Variants in CACNA1C observed in about 807,000 individuals in gnomAD.
The protein encoded by CACNA1C is voltage-dependent L-type calcium channel subunit alpha-1C.
Under a neutral mutation model 229.0 loss-of-function variants are expected in CACNA1C, and 30 were observed. That is an observed-to-expected ratio of 0.13 (90% CI 0.10 to 0.18). The LOEUF (loss-of-function observed/expected upper bound fraction) is 0.18. Ranked by LOEUF, CACNA1C falls within the 10% of genes least tolerant of loss-of-function variation. The pLI is 1.00. For missense variants in CACNA1C, 1,658 were observed against 2,845.0 expected (o/e 0.58, Z 9.49); for synonymous variants, 1,114 against 1,132.5 (o/e 0.98, Z 0.33).
Position 2,346,786 on chromosome 12 carries a change from AAGCATATAGC to A in CACNA1C, c.478-102181_478-102172del, listed in dbSNP as rs2097046016. On this transcript the variant is annotated intron_variant, in intron 3 of 46. Coordinates refer to ENST00000399655, the MANE Select transcript of CACNA1C (RefSeq NM_000719.7). The surrounding 1 kb of genome is among the most constrained non-coding windows in gnomAD (Gnocchi z 4.4). ...CTTGATTTTGCATCCAGCTCATGATAAGCATATAGCAGCATATACACAAATACATACAAAG... is the reference window on the plus strand; with the variant it reads ...CTTGATTTTGCATCCAGCTCATGATAAGCATATACACAAATACATACAAAG... Among the ~76,000 whole-genome samples, 2 of 152,222 alleles carry A rather than the reference AAGCATATAGC, an allele frequency of 1.3e-5. No individual in the cohort carries two copies. The highest frequency in any genetic ancestry group is 1.3e-4 in the Admixed American group (2 of 15,284).
At chr12:2,564,036 C>T (rs73035639) in intron 11 of CACNA1C, among the ~76,000 whole-genome samples, 13,880 of 152,206 alleles carry the variant, frequency 0.091, 724 homozygotes, top group Middle Eastern at 0.15. Flanking sequence ...ATTGGAGAAA[C>T]GGACTCATGC....
chr12:2,611,715 G>A (rs935765476), intron 28 of CACNA1C, among the ~76,000 whole-genome samples, 188 bp from the exon 29 acceptor site: 3 of 152,162 alleles, frequency 2.0e-5, no homozygotes, highest in Non-Finnish European at 4.4e-5. Flanking sequence ...AGATGGCAGA[G>A]CAGGGAAGAT....
chr12:2,683,931 C>T (rs990031188), intron 43 of CACNA1C, among the ~76,000 whole-genome samples: 4 of 152,210 alleles, frequency 2.6e-5, no homozygotes, highest in South Asian at 2.1e-4. Context: ...GGGCCCAGGG[C>T]GGGAGGGAAG....
intron 3 of CACNA1C, among the ~76,000 whole-genome samples, chr12:2,378,547 G>A (rs2098138499): frequency 6.6e-6 from 1 of 152,208 alleles, no homozygotes; most frequent in South Asian, 2.1e-4. Flanking sequence ...CATCTACCCT[G>A]TGCGGGCAAG....
intron 3 of CACNA1C, among the ~76,000 whole-genome samples, chr12:2,183,826 C>T (rs373774011): frequency 7.2e-5 from 11 of 152,250 alleles, no homozygotes; most frequent in African/African-American, 1.4e-4. Flanking sequence ...AGCGGTATCT[C>T]ATCAGCTCTG....
intron 9 of CACNA1C, among the ~76,000 whole-genome samples, chr12:2,517,462 A>T (rs1302156246): frequency 6.6e-6 from 1 of 152,254 alleles, no homozygotes; most frequent in Non-Finnish European, 1.5e-5. Flanking sequence ...ACAGTCTTGG[A>T]AAAAAGAGGA....
intron 9 of CACNA1C, among the ~76,000 whole-genome samples, chr12:2,519,242 A>G (rs1432920812): frequency 6.6e-6 from 1 of 152,124 alleles, no homozygotes; most frequent in Non-Finnish European, 1.5e-5. Context: ...TGTCCCCATG[A>G]CCTGACACAG....
At chr12:2,187,345 C>G (rs541205649) in intron 3 of CACNA1C, among the ~76,000 whole-genome samples, 7 of 152,274 alleles carry the variant, frequency 4.6e-5, no homozygotes, top group African/African-American at 1.7e-4. Context: ...AAGCCAGCCC[C>G]CATAGCAGCC....
At chr12:2,663,099 A>G (rs1417892068) in intron 34 of CACNA1C, among the ~76,000 whole-genome samples, 1 of 152,244 alleles carries the variant, frequency 6.6e-6, no homozygotes, top group Admixed American at 6.5e-5. Context: ...TGATGCAAAA[A>G]GCACAGAACA....
At chr12:2,318,905 GAGA>G (rs1044005328) in intron 3 of CACNA1C, among the ~76,000 whole-genome samples, 1 of 150,214 alleles carries the variant, frequency 6.7e-6, no homozygotes, top group African/African-American at 2.5e-5. Context: ...AATGGAGAGA[GAGA>G]AGGAGAGGGA....
At chr12:2,330,921 G>C (rs1433918540) in intron 3 of CACNA1C, among the ~76,000 whole-genome samples, 1 of 152,136 alleles carries the variant, frequency 6.6e-6, no homozygotes, top group Non-Finnish European at 1.5e-5. Flanking sequence ...GACTTTAATA[G>C]CTCAAAACAG....
chr12:2,566,463 G>A lies in CACNA1C; in HGVS notation c.1550G>A (p.Cys517Tyr). ...TGGAATCGGTTCTGCAGAAGGAAGT[G>A]CCGCGCCGCAGTCAAGTCTAATGTC... The part of the protein sequence containing the change: ...RRWNRFCRRK[C>Y]RAAVKSNVFY... Residue 517 changes from cysteine to tyrosine, a missense_variant, in exon 12 of 47, where the codon TGC (cysteine) becomes TAC (tyrosine). By Grantham distance (194) the Cys-to-Tyr change is radical. This residue lies in a region of CACNA1C where 149 missense variants were observed against 194.2 expected (regional missense o/e 0.77). Coordinates refer to ENST00000399655, the MANE Select transcript of CACNA1C (RefSeq NM_000719.7). The surrounding 1 kb of genome is among the most constrained non-coding windows in gnomAD (Gnocchi z 4.0). The A allele has an allele frequency of 6.3e-7, 1 of 1,596,384 alleles. No homozygotes were observed. The highest frequency in any genetic ancestry group is 8.5e-7 in the Non-Finnish European group (1 of 1,171,396).
At chr12:2,010,538 G>A (rs1412926771) in intron 1 of CACNA1C, among the ~76,000 whole-genome samples, 2 of 152,138 alleles carry the variant, frequency 1.3e-5, no homozygotes, top group Non-Finnish European at 2.9e-5. Context: ...AGAGCTTTTT[G>A]GAGTGGAGAG....
At chr12:2,434,605 C>A (rs755521399) in intron 3 of CACNA1C, among the ~76,000 whole-genome samples, 3 of 152,174 alleles carry the variant, frequency 2.0e-5, no homozygotes, top group African/African-American at 7.2e-5. Context: ...GATTATCCAG[C>A]CAAATTCACT....
intron 37 of CACNA1C, among the ~76,000 whole-genome samples, chr12:2,668,291 G>A (rs576878951): frequency 6.6e-6 from 1 of 152,152 alleles, no homozygotes; most frequent in African/African-American, 2.4e-5. Context: ...GGAAGTGAAG[G>A]TCTAATGAGG....
chr12:2,018,520 G>A (rs930293124), intron 1 of CACNA1C, among the ~76,000 whole-genome samples: 1 of 152,220 alleles, frequency 6.6e-6, no homozygotes, highest in Non-Finnish European at 1.5e-5. Context: ...AATGTTGAGA[G>A]GCAGTCAGGA....
Position 2,528,262 on chromosome 12 carries a change from G to T in CACNA1C, c.1390+15278G>T, listed in dbSNP as rs1057059842. Among the ~76,000 whole-genome samples the T allele has an allele frequency of 7.2e-5, 11 of 152,194 alleles. 2 individuals are homozygous for T. Among genetic ancestry groups the T allele is most frequent in the Admixed American group, 6.5e-4 (10 of 15,282 alleles). On this transcript the variant is annotated intron_variant, in intron 9 of 46. Coordinates refer to ENST00000399655, the MANE Select transcript of CACNA1C (RefSeq NM_000719.7). ...TTTCCTTGCTTGTAAAATGACGGGG[G>T]TTAGGTCAGTAAAAGCCCCTTCCAG...
intron 1 of CACNA1C, among the ~76,000 whole-genome samples, chr12:1,974,740 A>G (rs1269988337): frequency 6.6e-6 from 1 of 152,178 alleles, no homozygotes; most frequent in African/African-American, 2.4e-5. Context: ...AATGACCTGA[A>G]AAATGTAAGA....
rs1159770996 is a variant in CACNA1C at position 2,053,420 on chromosome 12, G to A, written c.-143G>A. The A allele has an allele frequency of 7.1e-7, 1 of 1,415,390 alleles. No individual in the cohort carries two copies. Among genetic ancestry groups the A allele is most frequent in the Admixed American group, 2.6e-5 (1 of 38,000 alleles). 87.7% of individuals were successfully genotyped at this position (1,415,390 alleles called of 1,614,324 possible). The stretch of plus-strand genomic sequence containing the variant: ...TCAGGTAATCGTCGGCGGGGAAGAA[G>A]AAACGCTGCAGACCACGGCTTCCTC... On this transcript the variant is annotated 5_prime_UTR_variant, in exon 1 of 47. Coordinates refer to ENST00000399655, the MANE Select transcript of CACNA1C (RefSeq NM_000719.7). The surrounding 1 kb of genome is among the most constrained non-coding windows in gnomAD (Gnocchi z 5.8).
Sources: allele counts gnomAD v4.1 joint callset (sites outside exome capture counted in the v4.1 genomes callset), GRCh38; gene constraint gnomAD v4.1.1; regional missense constraint gnomAD v4.1.1; non-coding constraint Gnocchi (gnomAD v3.1); transcripts MANE v1.5; gene names NCBI Gene and HGNC (gene_info 2026-07-23, HGNC 2026-07-21).